Variants in ROBO1 observed in about 807,000 individuals in gnomAD.
ROBO1 encodes the protein roundabout guidance receptor 1, also known as roundabout homolog 1.
A neutral mutation model predicts 195.9 loss-of-function variants in ROBO1; 149 were observed. The ratio of observed to expected loss-of-function variants is 0.76; its 90% CI spans 0.67 to 0.87. The LOEUF is 0.87. Ranked by LOEUF, ROBO1 falls within the 40% of genes least tolerant of loss-of-function variation. ROBO1 has a pLI of 0.00. For missense variants in ROBO1, 1,933 were observed against 2,068.3 expected, an observed-to-expected ratio of 0.93 and a Z score of 1.27; for synonymous variants, 816 against 733.2, an observed-to-expected ratio of 1.11 and a Z score of -1.82.
At chr3:79,525,604 T>C (rs752920964) in intron 2 of ROBO1, among the ~76,000 whole-genome samples, 33 of 147,518 alleles carry the variant, frequency 2.2e-4, no homozygotes, top group Non-Finnish European at 3.7e-4. Context: ...TTTAGAACTT[T>C]ACACTTTTTT....
At position 78,717,727 on chromosome 3, in the gene ROBO1, T is replaced by C. The variant is rs767230209; in HGVS notation, c.778+36A>G. ...CAGACACAAAATGATAAGAGATCTA[T>C]TTTTCAATGAGAAGATTAAATAAAA... On this transcript the variant is annotated intron_variant, in intron 6 of 30. Coordinates refer to ENST00000464233, the MANE Select transcript of ROBO1 (RefSeq NM_002941.4). The C allele has an allele frequency of 1.9e-5, 31 of 1,602,432 alleles. No individual in the cohort carries two copies. In the South Asian group the frequency reaches 3.0e-4, roughly 16 times the overall value.
intron 2 of ROBO1, among the ~76,000 whole-genome samples, chr3:79,274,388 C>A (rs1372433582): frequency 6.6e-6 from 1 of 151,884 alleles, no homozygotes; most frequent in African/African-American, 2.4e-5. Context: ...AAACAATATG[C>A]TCCTGAATGA....
At chr3:78,820,817 C>T (rs1442082066) in intron 4 of ROBO1, among the ~76,000 whole-genome samples, 1 of 152,154 alleles carries the variant, frequency 6.6e-6, no homozygotes, top group Non-Finnish European at 1.5e-5. Context: ...TGGCAATGTG[C>T]CATCACAATT....
chr3:78,634,742 C>G (rs919370205), intron 23 of ROBO1, among the ~76,000 whole-genome samples: 1 of 152,124 alleles, frequency 6.6e-6, no homozygotes, highest in South Asian at 2.1e-4. Flanking sequence ...GCAGGAGTCT[C>G]GATCCATATT....
intron 2 of ROBO1, among the ~76,000 whole-genome samples, chr3:79,239,944 G>C (rs1336714021): frequency 6.6e-6 from 1 of 151,934 alleles, no homozygotes; most frequent in Non-Finnish European, 1.5e-5. Context: ...ATGATGTTTT[G>C]GTATATCCTA....
intron 8 of ROBO1, among the ~76,000 whole-genome samples, chr3:78,702,713 G>A (rs2081447872): frequency 6.6e-6 from 1 of 152,112 alleles, no homozygotes; most frequent in African/African-American, 2.4e-5. Flanking sequence ...CAGAATGTTG[G>A]TTTGGTTTCT....
Position 79,097,579 on chromosome 3 carries a change from A to G in ROBO1, c.172+27877T>C, listed in dbSNP as rs1476284554. Among the ~76,000 whole-genome samples, 7 of 151,780 alleles carry G rather than the reference A, an allele frequency of 4.6e-5. No individual in the cohort carries two copies. In the East Asian group the frequency reaches 1.4e-3, roughly 29 times the overall value. ...TGTATTATATAATCAAATTGGCTTT[A>G]TGTCAAGTCAGTTCAAAACTACATT... On this transcript the variant is annotated intron_variant, in intron 3 of 30. Transcript: ENST00000464233.
intron 4 of ROBO1, among the ~76,000 whole-genome samples, chr3:78,802,432 C>T (rs2084397850): frequency 6.6e-6 from 1 of 152,096 alleles, no homozygotes; most frequent in Non-Finnish European, 1.5e-5. Context: ...ATGTTTCATT[C>T]TTAATCATTA....
At chr3:79,431,553 A>G (rs1200655710) in intron 2 of ROBO1, among the ~76,000 whole-genome samples, 1 of 152,164 alleles carries the variant, frequency 6.6e-6, no homozygotes, top group Non-Finnish European at 1.5e-5. Flanking sequence ...AAAAGGTGGA[A>G]ATTAGACAGA....
At chr3:79,655,097 T>G (rs1272468326) in intron 1 of ROBO1, among the ~76,000 whole-genome samples, 4 of 152,088 alleles carry the variant, frequency 2.6e-5, no homozygotes, top group Admixed American at 2.0e-4. Flanking sequence ...CCTACATAAT[T>G]AGTTCCCCTC....
At chr3:79,384,559 G>A (rs1280929811) in intron 2 of ROBO1, among the ~76,000 whole-genome samples, 1 of 151,934 alleles carries the variant, frequency 6.6e-6, no homozygotes, top group Non-Finnish European at 1.5e-5. Context: ...GAACAGAGAA[G>A]TGTTTTAAAA....
intron 4 of ROBO1, among the ~76,000 whole-genome samples, chr3:78,832,927 T>C (rs748982708): frequency 2.0e-5 from 3 of 152,224 alleles, no homozygotes; most frequent in Non-Finnish European, 2.9e-5. Flanking sequence ...AGTTTTAATA[T>C]ACAATAAGCT....
chr3:79,302,806 T>TA (rs998267838), intron 2 of ROBO1, among the ~76,000 whole-genome samples: 20 of 151,184 alleles, frequency 1.3e-4, no homozygotes, highest in South Asian at 8.4e-4. Context: ...GACATCATAT[T>TA]AAAAAAAAAG....
intron 1 of ROBO1, among the ~76,000 whole-genome samples, chr3:79,695,752 G>A (rs1203871019): frequency 6.6e-6 from 1 of 151,372 alleles, no homozygotes; most frequent in East Asian, 1.9e-4. Context: ...AGTCTTCTAA[G>A]AAGAAATTAT....
At chr3:79,301,294 C>G (rs184321009) in intron 2 of ROBO1, among the ~76,000 whole-genome samples, 4 of 152,116 alleles carry the variant, frequency 2.6e-5, no homozygotes, top group Non-Finnish European at 4.4e-5. Context: ...CGCGAGAGTC[C>G]GCGACTTCTT....
intron 3 of ROBO1, among the ~76,000 whole-genome samples, chr3:79,023,784 C>T (rs919454309): frequency 1.4e-5 from 2 of 144,220 alleles, no homozygotes; most frequent in East Asian, 2.1e-4. Flanking sequence ...CTCACTGCAA[C>T]CTCCGCCTCC....
chr3:79,422,959 A>G (rs1048267239), intron 2 of ROBO1, among the ~76,000 whole-genome samples: 4 of 150,116 alleles, frequency 2.7e-5, no homozygotes, highest in African/African-American at 9.9e-5. Flanking sequence ...TTTTGATACA[A>G]CCTTATTTAG....
At chr3:78,738,966 C>G (rs374712775) in intron 5 of ROBO1, among the ~76,000 whole-genome samples, 1 of 152,034 alleles carries the variant, frequency 6.6e-6, no homozygotes, top group Non-Finnish European at 1.5e-5. Flanking sequence ...CAAGTAAAAA[C>G]AGTTGTAGAC....
intron 4 of ROBO1, among the ~76,000 whole-genome samples, chr3:78,772,450 T>C (rs975691206): frequency 6.6e-5 from 10 of 152,116 alleles, no homozygotes; most frequent in African/African-American, 1.9e-4. Context: ...AATATATATC[T>C]CTAGAAAACA....
Sources: gnomAD v4.1 joint callset for allele counts (sites outside exome capture counted in the v4.1 genomes callset) on GRCh38, gnomAD v4.1.1 for gene constraint, MANE v1.5 for transcripts, NCBI Gene and HGNC (gene_info 2026-07-23, HGNC 2026-07-21) for gene names.